Variants in UBE3D observed in about 807,000 individuals in gnomAD.
UBE3D encodes the protein E3 ubiquitin-protein ligase E3D.
UBE3D carries 48 observed loss-of-function variants against 49.6 expected under a neutral mutation model. The ratio of observed to expected loss-of-function variants is 0.97; its 90% CI spans 0.77 to 1.23. The LOEUF (loss-of-function observed/expected upper bound fraction) is 1.23. UBE3D is among the 50% of genes most tolerant of loss of function. UBE3D has a pLI of 0.00. For synonymous variants in UBE3D, 189 were observed against 174.2 expected, an observed-to-expected ratio of 1.08 and a Z score of -0.67; for missense variants, 452 against 468.4, an observed-to-expected ratio of 0.96 and a Z score of 0.32.
chr6:82,929,072 A>G (rs1232624594), intron 9 of UBE3D, among the ~76,000 whole-genome samples: 1 of 152,248 alleles, frequency 6.6e-6, no homozygotes, highest in Non-Finnish European at 1.5e-5. Flanking sequence ...ATCTAAATCC[A>G]AGGATGTAGA....
At position 82,965,735 on chromosome 6, in the gene UBE3D, C is replaced by A. The variant is rs1776872160; in HGVS notation, c.1011-8285G>T. 2.0e-5 allele frequency among the ~76,000 whole-genome samples: 3 copies of A among 152,018 alleles called. No individual in the cohort carries two copies. The South Asian group carries it at 6.2e-4, about 32-fold the overall frequency. On this transcript the variant is annotated intron_variant, in intron 8 of 9. Coordinates refer to ENST00000369747, the MANE Select transcript of UBE3D (RefSeq NM_198920.3). ...AGCTACTTCTTCAGATTTTAAAGAACTTTTCATTATGGAAAATTTCAAATA... is the reference window on the plus strand; with the variant it reads ...AGCTACTTCTTCAGATTTTAAAGAAATTTTCATTATGGAAAATTTCAAATA...
At chr6:82,886,381 A>T in the UBE3D span, among the ~76,000 whole-genome samples, 1 of 152,086 alleles carries the variant, frequency 6.6e-6, no homozygotes, top group Admixed American at 6.6e-5. Context: ...CTCCTATGGG[A>T]ATCTAATGCC....
At chr6:82,957,291 A>G in intron 9 of UBE3D, 21 bp downstream of exon 9, 1 of 1,609,254 alleles carries the variant, frequency 6.2e-7, no homozygotes, top group Non-Finnish European at 8.5e-7. Flanking sequence ...ATCACGGCCT[A>G]GAAAAGAAGC....
chr6:83,011,277 G>A (rs540890446), intron 8 of UBE3D, among the ~76,000 whole-genome samples: 10 of 152,240 alleles, frequency 6.6e-5, no homozygotes, highest in Non-Finnish European at 1.0e-4. Context: ...AAATACTCAC[G>A]ACACTTACAT....
At chr6:82,920,392 T>C (rs1164762509) in intron 9 of UBE3D, among the ~76,000 whole-genome samples, 1 of 152,244 alleles carries the variant, frequency 6.6e-6, no homozygotes, top group Admixed American at 6.5e-5. Context: ...CTTTTTAATA[T>C]GATAAGACCA....
At chr6:83,024,625 G>A (rs1582670610) in intron 5 of UBE3D, among the ~76,000 whole-genome samples, 4 of 152,212 alleles carry the variant, frequency 2.6e-5, no homozygotes, top group Admixed American at 2.6e-4. Context: ...AGATGGACCT[G>A]AGTTAAAACT....
downstream of UBE3D, among the ~76,000 whole-genome samples, chr6:82,888,576 C>T (rs1461422053): frequency 1.3e-5 from 2 of 152,050 alleles, no homozygotes; most frequent in East Asian, 1.9e-4. Flanking sequence ...ACCAGAAAGG[C>T]TGCCAAAGGT....
chr6:83,015,618 C>T (rs1290063184), intron 8 of UBE3D, among the ~76,000 whole-genome samples: 2 of 152,114 alleles, frequency 1.3e-5, no homozygotes, highest in African/African-American at 2.4e-5. Context: ...CAGTTATTTT[C>T]GAGTGTAACG....
At chr6:82,919,056 T>G (rs1773127938) in intron 9 of UBE3D, among the ~76,000 whole-genome samples, 1 of 152,032 alleles carries the variant, frequency 6.6e-6, no homozygotes, top group African/African-American at 2.4e-5. Context: ...AACAGATTCA[T>G]TCACAAAAGC....
intron 9 of UBE3D, 57 bp downstream of exon 9, chr6:82,957,255 A>G: frequency 1.9e-6 from 3 of 1,580,498 alleles, no homozygotes; most frequent in Non-Finnish European, 2.6e-6. Flanking sequence ...GGATCCTTAA[A>G]AAATAATTCC....
At chr6:82,948,446 C>A (rs1203635306) in intron 9 of UBE3D, among the ~76,000 whole-genome samples, 1 of 151,826 alleles carries the variant, frequency 6.6e-6, no homozygotes, top group East Asian at 1.9e-4. Context: ...TAAAGAAGAA[C>A]TAATACCACT....
chr6:82,908,079 G>A (rs752433300), intron 9 of UBE3D, among the ~76,000 whole-genome samples: 1 of 151,900 alleles, frequency 6.6e-6, no homozygotes. Context: ...GTGGGAGGTC[G>A]AGACAAAAAA....
chr6:82,907,718 G>T (rs1772206830), intron 9 of UBE3D, among the ~76,000 whole-genome samples: 3 of 152,190 alleles, frequency 2.0e-5, no homozygotes, highest in Admixed American at 2.0e-4. Flanking sequence ...GGAACAGCCG[G>T]AGCTCTCAGA....
rs61225462 is a variant in UBE3D at position 83,027,434 on chromosome 6, C to CAAAAAAAAAAAAAAAAAAAAAAAA, written c.668-3420_668-3397dup. Among the ~76,000 whole-genome samples the CAAAAAAAAAAAAAAAAAAAAAAAA allele has an allele frequency of 8.9e-4, 31 of 34,642 alleles. 10 individuals carry two copies. Among genetic ancestry groups the CAAAAAAAAAAAAAAAAAAAAAAAA allele is most frequent in the Admixed American group, 1.4e-3 (3 of 2,204 alleles). 22.7% of individuals were successfully genotyped at this position (34,642 alleles called of 152,430 possible). ...CTGGCGACAGAGCGAGACTCCGTCT[C>CAAAAAAAAAAAAAAAAAAAAAAAA]AAAAAAAAAAAAAAAAAAAAAAAAA... On this transcript the variant is annotated intron_variant, in intron 5 of 9. Transcript: ENST00000369747.
chr6:83,063,099 C>A, intron 1 of UBE3D: 1 of 216,486 alleles, frequency 4.6e-6, no homozygotes, highest in Non-Finnish European at 9.6e-6. Context: ...ATTAAAATTT[C>A]TGTTCATCAA....
intron 8 of UBE3D, among the ~76,000 whole-genome samples, chr6:82,971,624 A>C (rs1219574950): frequency 6.6e-6 from 1 of 152,068 alleles, no homozygotes; most frequent in Admixed American, 6.6e-5. Flanking sequence ...GGGTGTTGCT[A>C]TGTTGCCCAG....
chr6:83,031,583 C>T (rs140729261), intron 5 of UBE3D, among the ~76,000 whole-genome samples: 15 of 152,228 alleles, frequency 9.9e-5, no homozygotes, highest in African/African-American at 3.4e-4. Context: ...TGCTGGATTT[C>T]GGACTTCCAT....
intron 9 of UBE3D, among the ~76,000 whole-genome samples, chr6:82,954,657 TG>T (rs1776035085): frequency 1.3e-5 from 2 of 152,142 alleles, no homozygotes; most frequent in African/African-American, 2.4e-5. Flanking sequence ...TCTTAAAAAA[TG>T]TGCATGAAAG....
chr6:82,982,688 G>A (rs927848019), intron 8 of UBE3D, among the ~76,000 whole-genome samples: 8 of 152,208 alleles, frequency 5.3e-5, no homozygotes, highest in East Asian at 3.9e-4. Flanking sequence ...CAGGAGGTAC[G>A]GAATCACCAC....
Sources: gnomAD v4.1 joint callset for allele counts (sites outside exome capture counted in the v4.1 genomes callset) on GRCh38, gnomAD v4.1.1 for gene constraint, MANE v1.5 for transcripts, NCBI Gene and HGNC (gene_info 2026-07-23, HGNC 2026-07-21) for gene names.